The following YBEY variants were observed in gnomAD, a reference collection of about 807,000 sequenced individuals.
YBEY encodes endoribonuclease YbeY.
Under a neutral mutation model 13.5 loss-of-function variants are expected in YBEY, and 15 were observed. The observed-to-expected ratio is 1.11, with a 90% CI of 0.75 to 1.72. The LOEUF (loss-of-function observed/expected upper bound fraction) is 1.72. Ranked by LOEUF, YBEY falls within the 40% of genes most tolerant of loss-of-function variation. YBEY has a pLI of 0.00. For synonymous variants in YBEY, 101 were observed against 83.1 expected, an observed-to-expected ratio of 1.21 and a Z score of -1.17; for missense variants, 244 against 208.4, an observed-to-expected ratio of 1.17 and a Z score of -1.05.
At chr21:46,303,838 G>T in the YBEY span, among the ~76,000 whole-genome samples, 80 of 139,482 alleles carry the variant, frequency 5.7e-4, no homozygotes, top group African/African-American at 2.1e-3. Context: ...TGCAAGCTCC[G>T]CCTCCTGGGT....
At chr21:46,301,743 G>C, downstream of YBEY, 1 of 1,215,114 alleles carries the variant, frequency 8.2e-7, no homozygotes, top group South Asian at 4.2e-5. Context: ...CCTGGGAGGG[G>C]CTGTTGCCCT....
intron 2 of YBEY, among the ~76,000 whole-genome samples, chr21:46,289,909 C>T: frequency 6.7e-6 from 1 of 149,692 alleles, no homozygotes; most frequent in African/African-American, 2.4e-5. Context: ...GTAAGGTTGT[C>T]ATAGCCTTTG....
chr21:46,297,225 G>A (rs1291472257), intron 4 of YBEY, among the ~76,000 whole-genome samples: 2 of 152,110 alleles, frequency 1.3e-5, no homozygotes, highest in Admixed American at 6.6e-5. Flanking sequence ...CTTGAACCCG[G>A]GAGGTGGAGG....
intron 4 of YBEY, 105 bp downstream of exon 4, chr21:46,296,335 C>G (rs983289942): frequency 1.5e-6 from 2 of 1,300,748 alleles, no homozygotes; most frequent in Non-Finnish European, 2.2e-6. Flanking sequence ...CCCGCAGGAA[C>G]TGGACCTCAG....
intron 3 of YBEY, chr21:46,292,275 A>C (rs1039918454): frequency 6.6e-6 from 1 of 152,244 alleles, no homozygotes; most frequent in African/African-American, 2.4e-5. Context: ...TGGCTGCGTG[A>C]GTCCTGAGCA....
intron 4 of YBEY, among the ~76,000 whole-genome samples, chr21:46,296,560 C>T (rs931794122): frequency 6.6e-6 from 1 of 152,160 alleles, no homozygotes; most frequent in Non-Finnish European, 1.5e-5. Flanking sequence ...GAGTGAGTTC[C>T]GGGTTGGTTT....
At position 46,287,140 on chromosome 21, in the gene YBEY, C is replaced by T. The variant is rs13049893; in HGVS notation, c.210+17C>T. 0.36 allele frequency: 511,125 copies of T among 1,419,376 alleles called. 90,447 individuals carry two copies. Among genetic ancestry groups the T allele is most frequent in the Admixed American group, 0.42 (19,907 of 47,860 alleles). The allele number at this position is 1,419,376 out of a possible 1,614,324, so 87.9% of individuals were successfully genotyped here. On this transcript the variant is annotated intron_variant, in intron 2 of 4. Coordinates refer to ENST00000397701, the MANE Select transcript of YBEY (RefSeq NM_001314025.2). ...TTTCATGAGGTAAAAAAAAAATGTT[C>T]CTCTTCTTGTCTAGCCCATCTTCCC...
In YBEY at chr21:46,296,353, C is replaced by A. The variant is rs1354073637; in HGVS notation, c.408+123C>A. 6 of 1,056,914 alleles carry A rather than the reference C, an allele frequency of 5.7e-6. No homozygotes were observed. In the African/African-American group the frequency reaches 6.3e-5, roughly 11 times the overall value. The allele number at this position is 1,056,914 out of a possible 1,614,324, so 65.5% of individuals were successfully genotyped here. ...GCAGGAACTGGACCTCAGACCTGCC[C>A]TTGTAAAAATGACACAGATGTTTGC... On this transcript the variant is annotated intron_variant, in intron 4 of 4. Transcript: ENST00000397701.
At chr21:46,286,819 G>C in intron 1 of YBEY, 51 bp from the exon 2 acceptor site, 1 of 1,108,100 alleles carries the variant, frequency 9.0e-7, no homozygotes, top group East Asian at 2.5e-5. Context: ...TATTTTTACA[G>C]ACCGTATTAT....
chr21:46,289,557 T>C (rs1423524779), intron 2 of YBEY, among the ~76,000 whole-genome samples: 3 of 151,566 alleles, frequency 2.0e-5, no homozygotes, highest in Non-Finnish European at 4.4e-5. Context: ...GCGATTCTCC[T>C]GCTTCAGCCT....
intron 4 of YBEY, 103 bp downstream of exon 4, chr21:46,296,333 A>G (rs2081951198): frequency 3.0e-6 from 4 of 1,314,954 alleles, no homozygotes; most frequent in Non-Finnish European, 4.3e-6. Flanking sequence ...CCCCCGCAGG[A>G]ACTGGACCTC....
chr21:46,295,233 G>A (rs1197466335), intron 3 of YBEY, among the ~76,000 whole-genome samples: 1 of 152,002 alleles, frequency 6.6e-6, no homozygotes, highest in Non-Finnish European at 1.5e-5. Context: ...CAGCCCACCA[G>A]CCCAGGACCC....
At chr21:46,296,118 C>G in intron 3 of YBEY, 44 bp from the exon 4 acceptor site, 1 of 1,611,714 alleles carries the variant, frequency 6.2e-7, no homozygotes, top group Non-Finnish European at 8.5e-7. Flanking sequence ...GGGGCAGGTT[C>G]CTGTGGGGTC....
At chr21:46,301,144 T>A, downstream of YBEY, 1 of 833,078 alleles carries the variant, frequency 1.2e-6, no homozygotes. Context: ...TTCTTTCACT[T>A]TTTTATTTTA....
the YBEY span, chr21:46,311,709 A>G: frequency 2.1e-6 from 1 of 471,490 alleles, no homozygotes. Context: ...CCAACCAACC[A>G]ACCAACCATC....
At chr21:46,308,276 C>T in the YBEY span, among the ~76,000 whole-genome samples, 1 of 152,266 alleles carries the variant, frequency 6.6e-6, no homozygotes, top group Admixed American at 6.5e-5. Flanking sequence ...GCCTGGCCAA[C>T]ATGGAGAAAC....
chr21:46,311,410 T>C, the YBEY span: 1 of 1,154,096 alleles, frequency 8.7e-7, no homozygotes, highest in Non-Finnish European at 1.2e-6. Context: ...TCCCTTTCAG[T>C]AGATAATTTC....
chr21:46,295,208 C>T (rs908915958), intron 3 of YBEY, among the ~76,000 whole-genome samples: 1 of 152,080 alleles, frequency 6.6e-6, no homozygotes, highest in East Asian at 1.9e-4. Context: ...CTCCCTATTA[C>T]CCTGAGGGGA....
chr21:46,300,035 C>G (rs2082066982), downstream of YBEY: 1 of 152,510 alleles, frequency 6.6e-6, no homozygotes, highest in Non-Finnish European at 1.5e-5. Context: ...ACTCTGGATG[C>G]CAGAGCCTTT....
Sources: gnomAD v4.1 joint callset for allele counts (sites outside exome capture counted in the v4.1 genomes callset) on GRCh38, gnomAD v4.1.1 for gene constraint, MANE v1.5 for transcripts, NCBI Gene and HGNC (gene_info 2026-07-23, HGNC 2026-07-21) for gene names.